Variants in PXDNL observed in about 807,000 individuals in gnomAD.
PXDNL encodes peroxidasin like, also known as probable oxidoreductase PXDNL.
A neutral mutation model predicts 150.8 loss-of-function variants in PXDNL; 145 were observed. The observed-to-expected ratio is 0.96, with a 90% CI of 0.84 to 1.10. PXDNL has a LOEUF of 1.10. Ranked by LOEUF, PXDNL falls within the 50% of genes least tolerant of loss-of-function variation. The pLI, the probability that PXDNL is intolerant of heterozygous loss-of-function variation, is 0.00. For missense variants in PXDNL, 2,087 were observed against 1,873.9 expected (o/e 1.11, Z -2.10); for synonymous variants, 757 against 725.7 (o/e 1.04, Z -0.69).
At chr8:51,491,223 A>T (rs1810887297) in intron 5 of PXDNL, among the ~76,000 whole-genome samples, 1 of 152,138 alleles carries the variant, frequency 6.6e-6, no homozygotes, top group African/African-American at 2.4e-5. Context: ...GGACCCTGTG[A>T]TAATGTAAGT....
chr8:51,421,932 C>A (rs1305675646), intron 14 of PXDNL, among the ~76,000 whole-genome samples: 1 of 152,178 alleles, frequency 6.6e-6, no homozygotes, highest in South Asian at 2.1e-4. Flanking sequence ...GGTCCCCAAC[C>A]CCCAATACTG....
At chr8:51,779,422 C>A (rs1056188680) in intron 1 of PXDNL, among the ~76,000 whole-genome samples, 1 of 152,174 alleles carries the variant, frequency 6.6e-6, no homozygotes, top group Non-Finnish European at 1.5e-5. Context: ...ATGTCGGGAA[C>A]CCCTGACAGT....
chr8:51,596,784 C>A (rs746737360), intron 2 of PXDNL, among the ~76,000 whole-genome samples: 1 of 151,938 alleles, frequency 6.6e-6, no homozygotes, highest in Non-Finnish European at 1.5e-5. Flanking sequence ...TGTTTAAGTT[C>A]CTTAAAGATC....
rs749122999 is a variant in PXDNL at position 51,409,537 on chromosome 8, G to A, written c.2087C>T (p.Ser696Phe). The change falls in exon 17 of 23, where the codon TCC (serine) becomes TTC (phenylalanine). Residue 696 changes from serine to phenylalanine, a missense_variant. By Grantham distance (155) the Ser-to-Phe change is radical. Transcript: ENST00000356297. ...GKEFRYNDLV[S>F]PRSLSLIANL... The stretch of plus-strand genomic sequence containing the variant: ...GGCGATGAGGCTGAGGGAGCGCGGG[G>A]ACACCAAGTCATTGTACCGGAATTC... 20 of 1,598,112 alleles carry A rather than the reference G, an allele frequency of 1.3e-5. No homozygotes were observed. Among genetic ancestry groups the A allele is most frequent in the Non-Finnish European group, 1.7e-5 (20 of 1,171,892 alleles).
chr8:51,332,889 A>T lies in PXDNL; in HGVS notation c.4146+6735T>A, dbSNP rs554216393. Among the ~76,000 whole-genome samples, 21 of 152,356 alleles carry T rather than the reference A, an allele frequency of 1.4e-4. No individual in the cohort carries two copies. In the South Asian group the frequency reaches 4.4e-3, roughly 32 times the overall value. On this transcript the variant is annotated intron_variant, in intron 21 of 22. Transcript: ENST00000356297. Reference sequence around the variant, plus strand: ...ATCGGTGTTCCTTAGGAAGAAGACAATTCTAAAAGCTTGGAAAACATGTTT... The same window carrying T: ...ATCGGTGTTCCTTAGGAAGAAGACATTTCTAAAAGCTTGGAAAACATGTTT...
intron 19 of PXDNL, among the ~76,000 whole-genome samples, chr8:51,352,069 G>A (rs896767157): frequency 6.6e-6 from 1 of 151,890 alleles, no homozygotes; most frequent in Non-Finnish European, 1.5e-5. Flanking sequence ...ACTCCTCAGG[G>A]TTACATTAGT....
intron 1 of PXDNL, among the ~76,000 whole-genome samples, chr8:51,760,712 G>A (rs1383466546): frequency 6.6e-6 from 1 of 152,094 alleles, no homozygotes; most frequent in African/African-American, 2.4e-5. Context: ...AATCATGCGT[G>A]CACATTGGGA....
chr8:51,577,207 A>G (rs1010336099), intron 3 of PXDNL, among the ~76,000 whole-genome samples: 3 of 151,874 alleles, frequency 2.0e-5, no homozygotes, highest in African/African-American at 7.2e-5. Context: ...AGGAAACAAC[A>G]TATCAATAAC....
intron 19 of PXDNL, among the ~76,000 whole-genome samples, chr8:51,363,363 G>A (rs963744263): frequency 2.6e-5 from 4 of 152,036 alleles, no homozygotes; most frequent in Non-Finnish European, 5.9e-5. Flanking sequence ...AAAGAAGGAA[G>A]GGCTTTATTC....
intron 9 of PXDNL, 119 bp from the exon 10 acceptor site, chr8:51,453,904 T>TAC: frequency 1.2e-6 from 1 of 853,784 alleles, no homozygotes; most frequent in Non-Finnish European, 1.8e-6. Flanking sequence ...ACTAAAATAT[T>TAC]ACACATATAT....
intron 13 of PXDNL, among the ~76,000 whole-genome samples, chr8:51,425,467 A>G (rs190845657): frequency 6.6e-6 from 1 of 152,282 alleles, no homozygotes; most frequent in East Asian, 1.9e-4. Flanking sequence ...CAAAATGTAT[A>G]TTTTTCACAC....
intron 8 of PXDNL, among the ~76,000 whole-genome samples, chr8:51,460,526 G>A (rs529695903): frequency 6.8e-6 from 1 of 147,712 alleles, no homozygotes; most frequent in South Asian, 2.4e-4. Context: ...GATCTTTTGA[G>A]GGAAAACACT....
chr8:51,492,862 C>T (rs1810930198), intron 5 of PXDNL, among the ~76,000 whole-genome samples: 1 of 152,176 alleles, frequency 6.6e-6, no homozygotes, highest in Non-Finnish European at 1.5e-5. Flanking sequence ...GGGGGCAGGG[C>T]ATAGCCAAAC....
intron 1 of PXDNL, among the ~76,000 whole-genome samples, chr8:51,790,335 C>T (rs1401624185): frequency 6.6e-6 from 1 of 152,124 alleles, no homozygotes; most frequent in African/African-American, 2.4e-5. Flanking sequence ...TTTCCTCCAC[C>T]ACAAAGTGAG....
chr8:51,573,113 T>A (rs932364523), intron 3 of PXDNL, among the ~76,000 whole-genome samples: 1 of 151,972 alleles, frequency 6.6e-6, no homozygotes, highest in African/African-American at 2.4e-5. Context: ...AGAAAACTTT[T>A]AGAAAATAAT....
In PXDNL at chr8:51,729,752, T is replaced by G. The variant is rs567180225; in HGVS notation, c.165-74992A>C. ...GACTTGGGAGCAAATAAGATGTCTTTCATCAGGTGAATGGATAAACTGTAG... is the reference window on the plus strand; with the variant it reads ...GACTTGGGAGCAAATAAGATGTCTTGCATCAGGTGAATGGATAAACTGTAG... On this transcript the variant is annotated intron_variant, in intron 1 of 22. Transcript: ENST00000356297. 3.9e-5 allele frequency among the ~76,000 whole-genome samples: 6 copies of G among 152,270 alleles called. No individual in the cohort carries two copies. The South Asian group carries it at 1.0e-3, about 26-fold the overall frequency.
intron 2 of PXDNL, among the ~76,000 whole-genome samples, chr8:51,601,707 C>T (rs754763287): frequency 3.1e-4 from 47 of 151,746 alleles, no homozygotes; most frequent in Non-Finnish European, 5.7e-4. Flanking sequence ...GCATTTAGAA[C>T]GTGTACATTC....
intron 19 of PXDNL, among the ~76,000 whole-genome samples, chr8:51,348,841 A>G (rs1310154752): frequency 6.6e-6 from 1 of 152,200 alleles, no homozygotes; most frequent in Non-Finnish European, 1.5e-5. Flanking sequence ...CAGAAGAGAC[A>G]GGGTTTAAAT....
chr8:51,457,738 A>T, intron 8 of PXDNL, 71 bp from the exon 9 acceptor site: 1 of 1,053,636 alleles, frequency 9.5e-7, no homozygotes, highest in Non-Finnish European at 1.4e-6. Flanking sequence ...AAGACTGAGA[A>T]TATAGTACTA....
Sources: gnomAD v4.1 joint callset for allele counts (sites outside exome capture counted in the v4.1 genomes callset) on GRCh38, gnomAD v4.1.1 for gene constraint, MANE v1.5 for transcripts, NCBI Gene and HGNC (gene_info 2026-07-23, HGNC 2026-07-21) for gene names.